EIF2B2: variants seen among roughly 807,000 people sequenced by gnomAD.
EIF2B2 encodes the protein translation initiation factor eIF2B subunit beta.
In EIF2B2, 34 loss-of-function variants were observed where a neutral mutation model predicts 34.7. That is an observed-to-expected ratio of 0.98 (90% CI 0.75 to 1.31). The LOEUF (loss-of-function observed/expected upper bound fraction) is 1.31, where lower values mean the gene tolerates loss of function less well. Among genes scored for constraint, EIF2B2 ranks in the 50% most tolerant of loss-of-function variants. The pLI is 0.00. For synonymous variants in EIF2B2, 155 were observed against 171.6 expected, an observed-to-expected ratio of 0.90 and a Z score of 0.76; for missense variants, 361 against 447.7, an observed-to-expected ratio of 0.81 and a Z score of 1.75.
At chr14:75,005,158 C>T (rs1307441356) in intron 4 of EIF2B2, 2 of 404,106 alleles carry the variant, frequency 4.9e-6, no homozygotes, top group Non-Finnish European at 9.5e-6. Context: ...GGGTGGATTA[C>T]CTGAGGTCAG....
chr14:75,003,152 G>T lies in EIF2B2; in HGVS notation c.162G>T (p.Ala54=), dbSNP rs761260701. The T allele has an allele frequency of 6.2e-7, 1 of 1,613,216 alleles. No homozygotes were observed. The highest frequency in any genetic ancestry group is 1.3e-5 in the African/African-American group (1 of 74,900). Residue 54 remains alanine (A), a splice_region_variant and synonymous_variant, in exon 1 of 8, where the codon GCG becomes GCT. Transcript: ENST00000266126. ...TCACGGACCACCGCTGGAGCAACGCGGGTGAGGCCGGCCTGCCTCCGCCGG... is the reference window on the plus strand; with the variant it reads ...TCACGGACCACCGCTGGAGCAACGCTGGTGAGGCCGGCCTGCCTCCGCCGG... ...QIITDHRWSN[A]GELMELIRRE...
chr14:75,008,695 G>A (rs1889662162), intron 7 of EIF2B2, among the ~76,000 whole-genome samples: 1 of 152,180 alleles, frequency 6.6e-6, no homozygotes, highest in African/African-American at 2.4e-5. Context: ...CAGGGGCTTA[G>A]CCAGTTAGAA....
At position 75,011,833 on chromosome 14, in the gene EIF2B2, G is replaced by C. The variant is rs1411888967; in HGVS notation, c.*2645G>C. Reference sequence around the variant, plus strand: ...TGGTTTGGAGTAAGAGCAGCAGTGAGGCAAGGAACTTAAATCTGTTCCTGG... The same window carrying C: ...TGGTTTGGAGTAAGAGCAGCAGTGACGCAAGGAACTTAAATCTGTTCCTGG... On this transcript the variant is annotated 3_prime_UTR_variant, in exon 8 of 8. Coordinates refer to ENST00000266126, the MANE Select transcript of EIF2B2 (RefSeq NM_014239.4). 6.6e-6 allele frequency: 1 copy of C among 152,130 alleles called. No homozygotes were observed. Among genetic ancestry groups the C allele is most frequent in the African/African-American group, 2.4e-5 (1 of 41,430 alleles). 9.4% of individuals were successfully genotyped at this position (152,130 alleles called of 1,614,324 possible).
At position 75,006,453 on chromosome 14, in the gene EIF2B2, C is replaced by T. The variant is rs994646781; in HGVS notation, c.694-124C>T. ...TGTATTGAGCCAGGGATCCCTTCACCTCTACCAGTCTGTGACCCCTCACGA... is the reference window on the plus strand; with the variant it reads ...TGTATTGAGCCAGGGATCCCTTCACTTCTACCAGTCTGTGACCCCTCACGA... On this transcript the variant is annotated intron_variant, in intron 5 of 7. Coordinates refer to ENST00000266126, the MANE Select transcript of EIF2B2 (RefSeq NM_014239.4). This position sits in a 1 kb window ranked among gnomAD's most constrained non-coding sequence, Gnocchi z 4.1. The T allele has an allele frequency of 5.1e-6, 7 of 1,375,746 alleles. No individual in the cohort carries two copies. The highest frequency in any genetic ancestry group is 6.1e-6 in the Non-Finnish European group (6 of 989,934). 85.2% of individuals were successfully genotyped at this position (1,375,746 alleles called of 1,614,324 possible). A position where few individuals can be genotyped will look rare whatever the true frequency, so the allele number is the denominator to read the frequency against.
At position 75,006,928 on chromosome 14, in the gene EIF2B2, A is replaced by G; in HGVS notation, c.831+214A>G. The G allele has an allele frequency of 1.3e-6, 1 of 752,896 alleles. No homozygotes were observed. The highest frequency in any genetic ancestry group is 1.4e-5 in the South Asian group (1 of 69,092). The allele number at this position is 752,896 out of a possible 1,614,324, so 46.6% of individuals were successfully genotyped here. A position where few individuals can be genotyped will look rare whatever the true frequency, so the allele number is the denominator to read the frequency against. ...CAGCTGTCAACTTTAGGAAGTCAAG[A>G]TTGTAAGGACAATATGTAGTTGGGA... On this transcript the variant is annotated intron_variant, in intron 6 of 7. Transcript: ENST00000266126. This position sits in a 1 kb window ranked among gnomAD's most constrained non-coding sequence, Gnocchi z 4.1.
intron 6 of EIF2B2, chr14:75,007,148 A>AG (rs1316266427): frequency 1.5e-5 from 7 of 457,422 alleles, no homozygotes; most frequent in Admixed American, 2.4e-5. Context: ...TGAAAACATC[A>AG]ACCTATTTAT....
Position 75,005,954 on chromosome 14 carries a change from T to G in EIF2B2, c.686T>G (p.Val229Gly). ...GCCATTTTTGCCGTTATGTCAAGAG[T>G]CAACAAGGTGGGTATATCTGGAGTT... ...DAAIFAVMSRVNKVIIGTKTI... is the reference protein window; with the variant it reads ...DAAIFAVMSRGNKVIIGTKTI... Residue 229 changes from valine (V) to glycine (G), a missense_variant, in exon 5 of 8, where the codon GTC becomes GGC. Coordinates refer to ENST00000266126, the MANE Select transcript of EIF2B2 (RefSeq NM_014239.4). 1 of 1,612,654 alleles carries G rather than the reference T, an allele frequency of 6.2e-7. No homozygotes were observed. The highest frequency in any genetic ancestry group is 8.5e-7 in the Non-Finnish European group (1 of 1,178,852).
Position 75,009,351 on chromosome 14 carries a change from C to A in EIF2B2, c.*163C>A. 1.3e-6 allele frequency: 1 copy of A among 768,264 alleles called. No homozygotes were observed. Among genetic ancestry groups the A allele is most frequent in the Non-Finnish European group, 2.2e-6 (1 of 447,610 alleles). The allele number at this position is 768,264 out of a possible 1,614,324, so 47.6% of individuals were successfully genotyped here. A position where few individuals can be genotyped will look rare whatever the true frequency, so the allele number is the denominator to read the frequency against. ...GCCTGCCTTTTTAGTCACCCCGTAA[C>A]AAGGGCACACATCCAGGACTGTGTC... On this transcript the variant is annotated 3_prime_UTR_variant, in exon 8 of 8. Transcript: ENST00000266126.
chr14:75,006,703 C>T lies in EIF2B2; in HGVS notation c.820C>T (p.Leu274Phe). The T allele has an allele frequency of 6.2e-7, 1 of 1,614,196 alleles. No homozygotes were observed. The highest frequency in any genetic ancestry group is 8.5e-7 in the Non-Finnish European group (1 of 1,180,048). Residue 274 changes from leucine (L) to phenylalanine (F), a missense_variant, in exon 6 of 8, where the codon CTT (leucine) becomes TTT (phenylalanine). Transcript: ENST00000266126. This position sits in a 1 kb window ranked among gnomAD's most constrained non-coding sequence, Gnocchi z 4.1. Reference protein sequence around the residue: ...PLIVCAPMFKLSPQFPNEEDS... With the variant: ...PLIVCAPMFKFSPQFPNEEDS... ...CATCGTCTGTGCACCTATGTTCAAACTTTCTCCACAGGTAAGTGTGTCTGT... is the reference window on the plus strand; with the variant it reads ...CATCGTCTGTGCACCTATGTTCAAATTTTCTCCACAGGTAAGTGTGTCTGT...
Position 75,003,393 on chromosome 14 carries a change from C to A in EIF2B2, c.282C>A (p.Gly94=), listed in dbSNP as rs1056310003. 7 of 1,613,758 alleles carry A rather than the reference C, an allele frequency of 4.3e-6. No homozygotes were observed. The Admixed American group carries it at 5.0e-5, about 12-fold the overall frequency. The change falls in exon 2 of 8, where the codon GGC becomes GGA. Residue 94 remains glycine, a splice_region_variant and synonymous_variant. Coordinates refer to ENST00000266126, the MANE Select transcript of EIF2B2 (RefSeq NM_014239.4). ...RVLKIIREEY[G]RLHGRSDESD... ...TCAAGATTATCCGGGAGGAGTATGG[C>A]AGGTCAGGCTCACGTCCTGGGCTCC...
Position 75,010,234 on chromosome 14 carries a change from A to G in EIF2B2, c.*1046A>G, listed in dbSNP as rs1171906961. On this transcript the variant is annotated 3_prime_UTR_variant, in exon 8 of 8. Coordinates refer to ENST00000266126, the MANE Select transcript of EIF2B2 (RefSeq NM_014239.4). ...GGGAATCTGTTTAAAGCTTCCCAGA[A>G]AAGGATAGTCTCATGTAGTGTTTAT... The G allele has an allele frequency of 6.6e-6, 1 of 152,206 alleles. No homozygotes were observed. Among genetic ancestry groups the G allele is most frequent in the Non-Finnish European group, 1.5e-5 (1 of 68,040 alleles). The allele number at this position is 152,206 out of a possible 1,614,324, so 9.4% of individuals were successfully genotyped here.
rs759366253 is a variant in EIF2B2 at position 75,003,262 on chromosome 14, T to G, written c.164-13T>G. 3.7e-6 allele frequency: 6 copies of G among 1,613,352 alleles called. No individual in the cohort carries two copies. Among genetic ancestry groups the G allele is most frequent in the Non-Finnish European group, 4.2e-6 (5 of 1,179,956 alleles). On this transcript the variant is annotated splice_polypyrimidine_tract_variant and intron_variant, in intron 1 of 7. Transcript: ENST00000266126. ...GCGTTGGCTCCTCTTATCCTCTCTC[T>G]TTTGGACTGTAGGGGAGCTGATGGA...
chr14:75,005,106 G>A (rs1481049165), intron 4 of EIF2B2: 1 of 534,328 alleles, frequency 1.9e-6, no homozygotes, highest in Admixed American at 2.4e-5. Context: ...GGCCGGGAGC[G>A]ATGGCTCATG....
chr14:75,009,455 G>C lies in EIF2B2; in HGVS notation c.*267G>C, dbSNP rs1889674916. 1 of 472,642 alleles carries C rather than the reference G, an allele frequency of 2.1e-6. No individual in the cohort carries two copies. 29.3% of individuals were successfully genotyped at this position (472,642 alleles called of 1,614,324 possible). On this transcript the variant is annotated 3_prime_UTR_variant, in exon 8 of 8. Coordinates refer to ENST00000266126, the MANE Select transcript of EIF2B2 (RefSeq NM_014239.4). ...CTCTTAGTGACCTGGTTGCGTCTGT[G>C]TCAGGAACTTAAACTTTCTGGTTCA...
intron 4 of EIF2B2, 84 bp downstream of exon 4, chr14:75,004,984 T>C: frequency 7.0e-7 from 1 of 1,426,610 alleles, no homozygotes; most frequent in Non-Finnish European, 9.8e-7. Flanking sequence ...CATTCCAACC[T>C]TGAATTGATA....
intron 3 of EIF2B2, 48 bp from the exon 4 acceptor site, chr14:75,004,689 A>ATATATATTTATT: frequency 6.8e-6 from 1 of 146,204 alleles, no homozygotes; most frequent in Admixed American, 1.2e-4. Flanking sequence ...ATATATATAT[A>ATATATATTTATT]TTTTTTTTTT....
At chr14:75,004,038 C>T (rs942359841) in intron 3 of EIF2B2, among the ~76,000 whole-genome samples, 1 of 152,202 alleles carries the variant, frequency 6.6e-6, no homozygotes, top group Admixed American at 6.5e-5. Context: ...TTTATACACA[C>T]GTACACGTAT....
chr14:75,004,744 A>AATGG lies in EIF2B2; in HGVS notation c.443_446dup (p.Glu149AspfsTer16). 6.5e-7 allele frequency: 1 copy of AATGG among 1,538,660 alleles called. No individual in the cohort carries two copies. Among genetic ancestry groups the AATGG allele is most frequent in the Admixed American group, 1.8e-5 (1 of 56,336 alleles). On this transcript the variant is annotated frameshift_variant, in exon 4 of 8. Transcript: ENST00000266126. LOFTEE classifies it high-confidence loss of function. ...GCAAAACCGTTCTTACAGAAGGGAC[A>AATGG]ATGGAGAACATTGCAGCCCAGGCTC...
At position 75,003,104 on chromosome 14, in the gene EIF2B2, C is replaced by T. The variant is rs1485190950; in HGVS notation, c.114C>T (p.Thr38=). ...PRSSEEMARE[T]LGLLRQIITD... is the part of the protein sequence containing the mutation. ...GCTCCGAGGAAATGGCTCGGGAGAC[C>T]CTAGGGTTGCTGCGCCAGATCATCA... The change falls in exon 1 of 8, where the codon ACC becomes ACT. Residue 38 remains threonine, a synonymous_variant. Coordinates refer to ENST00000266126, the MANE Select transcript of EIF2B2 (RefSeq NM_014239.4). 13 of 1,613,618 alleles carry T rather than the reference C, an allele frequency of 8.1e-6. No homozygotes were observed. The highest frequency in any genetic ancestry group is 1.1e-5 in the Non-Finnish European group (13 of 1,179,952).
Sources: allele counts gnomAD v4.1 joint callset (sites outside exome capture counted in the v4.1 genomes callset), GRCh38; gene constraint gnomAD v4.1.1; non-coding constraint Gnocchi (gnomAD v3.1); transcripts MANE v1.5; gene names NCBI Gene and HGNC (gene_info 2026-07-23, HGNC 2026-07-21).